The following ANXA11 variants were observed in gnomAD, a reference collection of about 807,000 sequenced individuals.
ANXA11 encodes the protein annexin A11, also known as 56 kDa autoantigen.
A neutral mutation model predicts 64.7 loss-of-function variants in ANXA11; 57 were observed. The observed-to-expected ratio is 0.88, with a 90% CI of 0.71 to 1.10. The LOEUF is 1.10. Ranked by LOEUF, ANXA11 falls within the 50% of genes least tolerant of loss-of-function variation. ANXA11 has a pLI of 0.00. For synonymous variants in ANXA11, 260 were observed against 265.2 expected, an observed-to-expected ratio of 0.98 and a Z score of 0.19; for missense variants, 675 against 670.7, an observed-to-expected ratio of 1.01 and a Z score of -0.07.
intron 1 of ANXA11, among the ~76,000 whole-genome samples, chr10:80,200,540 T>C (rs566543887): frequency 6.6e-6 from 1 of 152,176 alleles, no homozygotes; most frequent in South Asian, 2.1e-4. Context: ...CCCACAAATA[T>C]AAGTAGAGCT....
At chr10:80,165,487 T>C (rs1845683924) in intron 8 of ANXA11, among the ~76,000 whole-genome samples, 1 of 152,048 alleles carries the variant, frequency 6.6e-6, no homozygotes, top group Admixed American at 6.5e-5. Flanking sequence ...ACCCTGCTGG[T>C]CTCTTCTGGA....
chr10:80,164,209 A>G (rs1436581954), intron 8 of ANXA11, 66 bp from the exon 9 acceptor site: 2 of 1,305,550 alleles, frequency 1.5e-6, no homozygotes, highest in African/African-American at 1.4e-5. Flanking sequence ...ACTCGGGAAG[A>G]AGGGTGGGGG....
chr10:80,155,955 G>C, intron 15 of ANXA11, 43 bp from the exon 16 acceptor site: 1 of 1,583,522 alleles, frequency 6.3e-7, no homozygotes, highest in African/African-American at 1.3e-5. Context: ...GGGAGGGACA[G>C]TCACTTTCAG....
intron 1 of ANXA11, among the ~76,000 whole-genome samples, chr10:80,184,989 C>T (rs779737195): frequency 8.5e-5 from 13 of 152,184 alleles, no homozygotes; most frequent in African/African-American, 1.2e-4. Context: ...TAACCTCTTC[C>T]TTCATTGGCT....
chr10:80,185,324 A>C (rs1846500734), intron 1 of ANXA11, among the ~76,000 whole-genome samples: 2 of 152,232 alleles, frequency 1.3e-5, no homozygotes, highest in African/African-American at 4.8e-5. Flanking sequence ...TGCTGCCCGG[A>C]ATGTGTTCCC....
At position 80,170,800 on chromosome 10, in the gene ANXA11, C is replaced by T; in HGVS notation, c.171G>A (p.Met57Ile). ...GCCTCAGCAGGAGAGCTGGACTCAC[C>T]ATTCCCGAGAGATAGTCCTGGTTGA... ...GQFNQDYLSG[M>I]AANMSGTFGG... Residue 57 changes from methionine (M) to isoleucine (I), a missense_variant and splice_region_variant, in exon 4 of 16, where the codon ATG becomes ATA. Physicochemically the swap from Met to Ile is conservative, Grantham distance 10 (BLOSUM62 1). Transcript: ENST00000422982. 3 of 1,480,368 alleles carry T rather than the reference C, an allele frequency of 2.0e-6. No individual in the cohort carries two copies. Among genetic ancestry groups the T allele is most frequent in the Non-Finnish European group, 2.7e-6 (3 of 1,114,432 alleles). The allele number at this position is 1,480,368 out of a possible 1,614,324, so 91.7% of individuals were successfully genotyped here. A position where few individuals can be genotyped will look rare whatever the true frequency, so the allele number is the denominator to read the frequency against.
At chr10:80,175,144 G>A (rs1846124068) in intron 2 of ANXA11, among the ~76,000 whole-genome samples, 1 of 152,198 alleles carries the variant, frequency 6.6e-6, no homozygotes, top group African/African-American at 2.4e-5. Flanking sequence ...GAGGCTGGGT[G>A]GGCTGTCAGT....
intron 8 of ANXA11, 120 bp downstream of exon 8, chr10:80,165,964 G>A: frequency 3.3e-6 from 2 of 607,580 alleles, no homozygotes; most frequent in East Asian, 2.8e-5. Flanking sequence ...CTAATGAGTG[G>A]GCTAGAACAC....
intron 5 of ANXA11, among the ~76,000 whole-genome samples, chr10:80,167,723 C>T (rs1845803037): frequency 1.3e-5 from 2 of 152,224 alleles, no homozygotes; most frequent in African/African-American, 4.8e-5. Flanking sequence ...GGCTGGCTAG[C>T]CCATGTGTCC....
chr10:80,168,392 AG>A, intron 5 of ANXA11, among the ~76,000 whole-genome samples: 1 of 152,314 alleles, frequency 6.6e-6, no homozygotes. Context: ...AGTACTCGCC[AG>A]GGGTGTTCTG....
chr10:80,194,406 G>GA (rs1183596228), intron 1 of ANXA11, among the ~76,000 whole-genome samples: 1 of 152,000 alleles, frequency 6.6e-6, no homozygotes, highest in Non-Finnish European at 1.5e-5. Context: ...GGATAGGGAA[G>GA]AAAAAAATAA....
intron 1 of ANXA11, among the ~76,000 whole-genome samples, chr10:80,194,283 C>T (rs1027803117): frequency 2.6e-5 from 4 of 152,154 alleles, no homozygotes; most frequent in Admixed American, 2.0e-4. Flanking sequence ...GCCCCTCCCA[C>T]GGCCCCTCAC....
intron 1 of ANXA11, among the ~76,000 whole-genome samples, chr10:80,202,882 C>T (rs538080918): frequency 8.6e-5 from 13 of 151,938 alleles, no homozygotes; most frequent in African/African-American, 2.9e-4. Context: ...CCCGTCTCTA[C>T]TAAAAATACA....
chr10:80,178,529 C>T (rs755855432), intron 1 of ANXA11, among the ~76,000 whole-genome samples: 33 of 152,222 alleles, frequency 2.2e-4, no homozygotes, highest in Non-Finnish European at 3.8e-4. Context: ...GCACAAATAC[C>T]GCCCTTCCTT....
chr10:80,190,474 T>A (rs1384864028), intron 1 of ANXA11, among the ~76,000 whole-genome samples: 1 of 149,670 alleles, frequency 6.7e-6, no homozygotes, highest in Non-Finnish European at 1.5e-5. Flanking sequence ...TAAATGTTAA[T>A]TTACAATAAA....
At position 80,159,089 on chromosome 10, in the gene ANXA11, G is replaced by A; in HGVS notation, c.1276+11C>T. On this transcript the variant is annotated intron_variant, in intron 13 of 15. Transcript: ENST00000422982. ...CCCCTGGCAGGTGGGCGGCAAACCT[G>A]AGACACTTACCCACGGCCAGCATGC... 1.2e-6 allele frequency: 2 copies of A among 1,612,082 alleles called. No homozygotes were observed. The highest frequency in any genetic ancestry group is 1.3e-5 in the African/African-American group (1 of 74,994).
intron 1 of ANXA11, among the ~76,000 whole-genome samples, chr10:80,197,868 G>A (rs900898820): frequency 6.6e-6 from 1 of 151,856 alleles, no homozygotes; most frequent in African/African-American, 2.4e-5. Context: ...AGCTTGCAGT[G>A]AGCCGAGATC....
At chr10:80,190,980 C>G (rs1003772808) in intron 1 of ANXA11, among the ~76,000 whole-genome samples, 1 of 151,886 alleles carries the variant, frequency 6.6e-6, no homozygotes, top group African/African-American at 2.4e-5. Context: ...AATCCAAGCA[C>G]TCTGGGAGGC....
At chr10:80,189,520 A>G (rs568189659) in intron 1 of ANXA11, among the ~76,000 whole-genome samples, 1 of 151,826 alleles carries the variant, frequency 6.6e-6, no homozygotes, top group African/African-American at 2.4e-5. Flanking sequence ...CAGCAATCTC[A>G]CTCCTGGGCA....
Sources: gnomAD v4.1 joint callset for allele counts (sites outside exome capture counted in the v4.1 genomes callset) on GRCh38, gnomAD v4.1.1 for gene constraint, MANE v1.5 for transcripts, NCBI Gene and HGNC (gene_info 2026-07-23, HGNC 2026-07-21) for gene names.